RBBP8: variants seen among roughly 807,000 people sequenced by gnomAD.
RBBP8 encodes the protein RB binding protein 8, endonuclease.
RBBP8 carries 88 observed loss-of-function variants against 108.3 expected under a neutral mutation model. That is an observed-to-expected ratio of 0.81 (90% CI 0.68 to 0.97). The LOEUF (loss-of-function observed/expected upper bound fraction) is 0.97. Among genes scored for constraint, RBBP8 ranks in the 50% least tolerant of loss-of-function variants. The pLI, the probability that RBBP8 is intolerant of heterozygous loss-of-function variation, is 0.00. For synonymous variants in RBBP8, 332 were observed against 348.2 expected, an observed-to-expected ratio of 0.95 and a Z score of 0.52; for missense variants, 1,023 against 1,049.0, an observed-to-expected ratio of 0.98 and a Z score of 0.34.
chr18:23,011,168 A>G (rs545264173), intron 16 of RBBP8, among the ~76,000 whole-genome samples: 1 of 152,160 alleles, frequency 6.6e-6, no homozygotes, highest in Non-Finnish European at 1.5e-5. Context: ...GTGCTTGCCA[A>G]CTAGAGGGGC....
intron 2 of RBBP8, chr18:22,915,625 A>G (rs1260092122): frequency 6.6e-6 from 1 of 152,116 alleles, no homozygotes; most frequent in East Asian, 1.9e-4. Flanking sequence ...AATTGGCTGA[A>G]TTTTTCTGAA....
Position 22,991,068 on chromosome 18 carries a change from G to A in RBBP8, c.920+19G>A, listed in dbSNP as rs1431139865. The A allele has an allele frequency of 2.6e-6, 4 of 1,534,248 alleles. No individual in the cohort carries two copies. Among genetic ancestry groups the A allele is most frequent in the Middle Eastern group, 1.7e-4 (1 of 5,946 alleles). On this transcript the variant is annotated intron_variant, in intron 10 of 18. Transcript: ENST00000327155. The stretch of plus-strand genomic sequence containing the variant: ...GTTTAAGGTAATTAAGGGCACGTTG[G>A]TGAAAACTGATAAGCTATTGGTGAG...
chr18:22,919,402 C>T (rs1311185825), intron 3 of RBBP8, among the ~76,000 whole-genome samples: 2 of 152,154 alleles, frequency 1.3e-5, no homozygotes, highest in African/African-American at 4.8e-5. Context: ...GATGTTTAAT[C>T]GCTTTACAAA....
At chr18:23,018,013 T>C (rs1259132674) in intron 17 of RBBP8, among the ~76,000 whole-genome samples, 2 of 152,094 alleles carry the variant, frequency 1.3e-5, no homozygotes, top group Admixed American at 6.5e-5. Context: ...CCCAAAGTTC[T>C]GGGATTACAG....
At chr18:23,006,322 A>G (rs749396334) in intron 15 of RBBP8, 41 bp from the exon 16 acceptor site, 1 of 1,533,006 alleles carries the variant, frequency 6.5e-7, no homozygotes, top group South Asian at 1.1e-5. Flanking sequence ...TTTCTCATTA[A>G]GTTCTACATT....
At chr18:22,937,116 C>T in intron 2 of RBBP8, 156 bp downstream of exon 2, 1 of 1,437,134 alleles carries the variant, frequency 7.0e-7, no homozygotes. Context: ...TTGCATGTTG[C>T]TGGGGTTTGG....
At chr18:22,956,878 T>C (rs1400037973) in intron 4 of RBBP8, among the ~76,000 whole-genome samples, 2 of 152,222 alleles carry the variant, frequency 1.3e-5, no homozygotes, top group Non-Finnish European at 2.9e-5. Context: ...TTACAGACTT[T>C]CCTTCCAGGA....
intron 18 of RBBP8, among the ~76,000 whole-genome samples, chr18:23,022,491 A>G (rs2046362195): frequency 6.6e-6 from 1 of 151,534 alleles, no homozygotes; most frequent in Admixed American, 6.6e-5. Flanking sequence ...AGTCCCAGCT[A>G]CTCAGGAGGC....
At chr18:22,994,659 GAAAA>G (rs998200703) in intron 12 of RBBP8, among the ~76,000 whole-genome samples, 6 of 139,446 alleles carry the variant, frequency 4.3e-5, no homozygotes, top group African/African-American at 1.6e-4. Flanking sequence ...AAAAAAAAAA[GAAAA>G]AAAAAATTGT....
rs933280032 is a variant in RBBP8 at position 22,993,657 on chromosome 18, A to G, written c.1812+18A>G. Reference sequence around the variant, plus strand: ...ACATAAAGGTTTGTGTTAAATGTTCAAGGATTTTGATTAAAATGATTGCTT... The same window carrying G: ...ACATAAAGGTTTGTGTTAAATGTTCGAGGATTTTGATTAAAATGATTGCTT... On this transcript the variant is annotated intron_variant, in intron 11 of 18. Coordinates refer to ENST00000327155, the MANE Select transcript of RBBP8 (RefSeq NM_002894.3). The G allele has an allele frequency of 1.9e-6, 3 of 1,614,112 alleles. No homozygotes were observed. Among genetic ancestry groups the G allele is most frequent in the African/African-American group, 1.3e-5 (1 of 74,954 alleles).
At chr18:22,948,945 A>T (rs1472511793) in intron 3 of RBBP8, among the ~76,000 whole-genome samples, 1 of 152,246 alleles carries the variant, frequency 6.6e-6, no homozygotes, top group East Asian at 1.9e-4. Context: ...GTAGAAGAAG[A>T]TTCTGGTTGT....
At chr18:22,921,331 CAAGAG>C (rs968910011) in intron 3 of RBBP8, among the ~76,000 whole-genome samples, 1 of 152,198 alleles carries the variant, frequency 6.6e-6, no homozygotes, top group Non-Finnish European at 1.5e-5. Flanking sequence ...TCAGAAGACA[CAAGAG>C]AAGAGCACTT....
At chr18:23,000,639 G>T (rs144067674) in intron 14 of RBBP8, among the ~76,000 whole-genome samples, 174 of 151,934 alleles carry the variant, frequency 1.1e-3, no homozygotes, top group African/African-American at 3.9e-3. Context: ...CTACTTGGGA[G>T]GCTGAAGCAG....
intron 4 of RBBP8, 75 bp downstream of exon 4, chr18:22,949,788 ATTAG>A (rs1011361472): frequency 2.9e-5 from 34 of 1,166,978 alleles, no homozygotes; most frequent in Non-Finnish European, 4.4e-5. Flanking sequence ...TTCATTTGTA[ATTAG>A]TTTTGGGATT....
At chr18:23,014,858 T>G (rs1320820846) in intron 16 of RBBP8, among the ~76,000 whole-genome samples, 1 of 137,740 alleles carries the variant, frequency 7.3e-6, no homozygotes, top group East Asian at 2.1e-4. Context: ...CATAAGGTAA[T>G]TTTTCTTTTT....
intron 3 of RBBP8, among the ~76,000 whole-genome samples, chr18:22,917,856 A>T (rs1909421297): frequency 6.6e-6 from 1 of 151,808 alleles, no homozygotes; most frequent in South Asian, 2.1e-4. Flanking sequence ...AAAATTAGCC[A>T]GTGTGGTGGT....
intron 5 of RBBP8, among the ~76,000 whole-genome samples, chr18:22,973,373 G>C (rs983769823): frequency 1.4e-4 from 21 of 152,086 alleles, no homozygotes; most frequent in African/African-American, 4.6e-4. Context: ...TTTGGATTTG[G>C]AGAGGGAAAA....
chr18:23,019,919 G>A (rs1351581222), intron 17 of RBBP8, among the ~76,000 whole-genome samples: 5 of 151,390 alleles, frequency 3.3e-5, no homozygotes, highest in African/African-American at 1.2e-4. Flanking sequence ...CTGCCACCAC[G>A]CCTGGCTAAT....
chr18:23,011,451 T>TC (rs2046158787), intron 16 of RBBP8, among the ~76,000 whole-genome samples: 1 of 151,326 alleles, frequency 6.6e-6, no homozygotes, highest in South Asian at 2.1e-4. Flanking sequence ...TTTTTTTTTT[T>TC]TTTCGAGACA....
Sources: allele counts gnomAD v4.1 joint callset (sites outside exome capture counted in the v4.1 genomes callset), GRCh38; gene constraint gnomAD v4.1.1; transcripts MANE v1.5; gene names NCBI Gene and HGNC (gene_info 2026-07-23, HGNC 2026-07-21).